Variants in GNE observed in about 807,000 individuals in gnomAD.
The protein encoded by GNE is glucosamine (UDP-N-acetyl)-2-epimerase/N-acetylmannosamine kinase, also known as bifunctional UDP-N-acetylglucosamine 2-epimerase/N-acetylmannosamine kinase.
A neutral mutation model predicts 61.8 loss-of-function variants in GNE; 41 were observed. The observed-to-expected ratio is 0.66, with a 90% CI of 0.52 to 0.86. GNE has a LOEUF of 0.86. GNE is among the 40% of genes least tolerant of loss of function. GNE has a pLI of 0.00. For missense variants in GNE, 608 were observed against 909.1 expected, an observed-to-expected ratio of 0.67 and a Z score of 4.26; for synonymous variants, 264 against 326.4, an observed-to-expected ratio of 0.81 and a Z score of 2.06.
At chr9:36,255,871 G>A (rs987376483) in intron 1 of GNE, among the ~76,000 whole-genome samples, 2 of 152,014 alleles carry the variant, frequency 1.3e-5, no homozygotes, top group Admixed American at 1.3e-4. Context: ...GATAGTTTTC[G>A]GACAAGTTTG....
In GNE at chr9:36,234,135, A is replaced by G. The variant is rs763488639; in HGVS notation, c.770-3T>C. The G allele has an allele frequency of 4.4e-6, 7 of 1,608,332 alleles. No individual in the cohort carries two copies. Among genetic ancestry groups the G allele is most frequent in the South Asian group, 3.3e-5 (3 of 90,960 alleles). ...CACTCGAACCATCTCTTTGCTCCCT[A>G]TGAAAATGAAAAGAACCAATTGGTA... is the stretch of plus-strand genomic sequence containing the variant. On this transcript the variant is annotated splice_region_variant and splice_polypyrimidine_tract_variant and intron_variant, in intron 4 of 11. Coordinates refer to ENST00000642385, the MANE Select transcript of GNE (RefSeq NM_005476.7).
At chr9:36,228,907 T>C (rs1829018607) in intron 6 of GNE, 114 bp downstream of exon 6, 1 of 779,850 alleles carries the variant, frequency 1.3e-6, no homozygotes, top group African/African-American at 1.7e-5. Context: ...TAGGGGCCCG[T>C]AGGCATAAGA....
chr9:36,230,136 G>A (rs1004283762), intron 5 of GNE, among the ~76,000 whole-genome samples: 7 of 152,168 alleles, frequency 4.6e-5, no homozygotes, highest in Admixed American at 2.6e-4. Context: ...TAGAGATGGC[G>A]TTTCACCATG....
chr9:36,257,802 C>CAAAAAAAAAAAAAAAA (rs60845805), intron 1 of GNE, among the ~76,000 whole-genome samples: 8 of 25,242 alleles, frequency 3.2e-4, no homozygotes, highest in East Asian at 1.1e-3. Context: ...GACTCAGTCT[C>CAAAAAAAAAAAAAAAA]AAAAAAAAAA....
Position 36,216,100 on chromosome 9 carries a change from G to A in GNE, c.*1265C>T. 1 of 340,544 alleles carries A rather than the reference G, an allele frequency of 2.9e-6. No individual in the cohort carries two copies. Among genetic ancestry groups the A allele is most frequent in the Non-Finnish European group, 6.0e-6 (1 of 167,136 alleles). The allele number at this position is 340,544 out of a possible 1,614,324, so 21.1% of individuals were successfully genotyped here. A position where few individuals can be genotyped will look rare whatever the true frequency, so the allele number is the denominator to read the frequency against. On this transcript the variant is annotated 3_prime_UTR_variant, in exon 12 of 12. Transcript: ENST00000642385. ...ACATCTTTCAACAAATGGTATCCAG[G>A]ATTAGGGGGGATATCTGAGATGGGG...
intron 3 of GNE, among the ~76,000 whole-genome samples, chr9:36,241,856 C>G (rs1288565853): frequency 2.0e-5 from 3 of 152,106 alleles, no homozygotes; most frequent in African/African-American, 7.2e-5. Context: ...CATATTAAGG[C>G]CAGGTGCGGT....
In GNE at chr9:36,255,511, C is replaced by T. The variant is rs191553794; in HGVS notation, c.-43+2810G>A. On this transcript the variant is annotated intron_variant, in intron 1 of 11. Transcript: ENST00000642385. ...TTAAAAGCCACAAGAGGCTAAATAG[C>T]AAAAAGTCTTCTCATATGTGTTCCC... is the stretch of plus-strand genomic sequence containing the variant. 1.6e-3 allele frequency among the ~76,000 whole-genome samples: 237 copies of T among 152,078 alleles called. 1 individual carries two copies. Among genetic ancestry groups the T allele is most frequent in the African/African-American group, 5.5e-3 (230 of 41,490 alleles).
In GNE at chr9:36,225,837, G is replaced by A. The variant is rs568521757; in HGVS notation, c.1281+1411C>T. On this transcript the variant is annotated intron_variant, in intron 7 of 11. Coordinates refer to ENST00000642385, the MANE Select transcript of GNE (RefSeq NM_005476.7). ...TCTAGAGTAGTGCTTCTCAATCTTCGCTGTGCATCAGAATCACCTGGACAG... is the reference window on the plus strand; with the variant it reads ...TCTAGAGTAGTGCTTCTCAATCTTCACTGTGCATCAGAATCACCTGGACAG... 5.9e-5 allele frequency among the ~76,000 whole-genome samples: 9 copies of A among 152,166 alleles called. No individual in the cohort carries two copies. The East Asian group carries it at 1.2e-3, about 20-fold the overall frequency.
chr9:36,266,121 G>C (rs190761092), intron 1 of GNE, among the ~76,000 whole-genome samples: 2 of 152,076 alleles, frequency 1.3e-5, no homozygotes, highest in African/African-American at 4.8e-5. Flanking sequence ...AGTAGAGACG[G>C]GGTTTCATCA....
At chr9:36,217,631 C>G (rs776399643) in intron 11 of GNE, 31 bp from the exon 12 acceptor site, 8 of 1,397,072 alleles carry the variant, frequency 5.7e-6, no homozygotes, top group Non-Finnish European at 8.1e-6. Context: ...AAATGAGTTT[C>G]TGAGAGAAGC....
intron 1 of GNE, among the ~76,000 whole-genome samples, chr9:36,274,068 C>CTGTGTGTGTGTGTGTGTGTG (rs71336439): frequency 4.9e-5 from 7 of 142,330 alleles, no homozygotes; most frequent in African/African-American, 1.9e-4. Flanking sequence ...GTCTATGGTA[C>CTGTGTGTGTGTGTGTGTGTG]TGTGTGTGTG....
chr9:36,271,387 GT>G (rs1831023420), intron 1 of GNE, among the ~76,000 whole-genome samples: 1 of 152,062 alleles, frequency 6.6e-6, no homozygotes, highest in Non-Finnish European at 1.5e-5. Flanking sequence ...GTTTCATTTT[GT>G]TTTGAGACCG....
Position 36,216,790 on chromosome 9 carries a change from G to T in GNE, c.*575C>A. On this transcript the variant is annotated 3_prime_UTR_variant, in exon 12 of 12. Transcript: ENST00000642385. ...TGGTTCATGCCATTCTCCTGCCTCA[G>T]CCTCCCGAGTAGCTGGGACCCGCCA... The T allele has an allele frequency of 6.2e-6, 1 of 162,404 alleles. No homozygotes were observed. 10.1% of individuals were successfully genotyped at this position (162,404 alleles called of 1,614,324 possible).
At chr9:36,256,883 A>G (rs1249572071) in intron 1 of GNE, among the ~76,000 whole-genome samples, 1 of 152,174 alleles carries the variant, frequency 6.6e-6, no homozygotes, top group African/African-American at 2.4e-5. Context: ...CACAGAGAAA[A>G]TAATTTACTT....
chr9:36,217,389 G>A lies in GNE; in HGVS notation c.2145C>T (p.Asp715=). ...TCTAGTAGATCCTGCGTGTTGTGTA[G>A]TCCAGAACCATGCTGGCAGCACCCA... is the stretch of plus-strand genomic sequence containing the variant. ...ALLGAASMVL[D]YTTRRIY The change falls in exon 12 of 12, where the codon GAC becomes GAT. Residue 715 remains aspartate, a synonymous_variant. Coordinates refer to ENST00000642385, the MANE Select transcript of GNE (RefSeq NM_005476.7). 6.2e-7 allele frequency: 1 copy of A among 1,613,476 alleles called. No individual in the cohort carries two copies.
rs1295734784 is a variant in GNE, at chr9:36,216,318, G to A, written c.*1047C>T. ...TCTGTGATCTTAGTTTGGGGTTAGA[G>A]GAGGAAGGATGTGTGTGTGTGTGTG... On this transcript the variant is annotated 3_prime_UTR_variant, in exon 12 of 12. Coordinates refer to ENST00000642385, the MANE Select transcript of GNE (RefSeq NM_005476.7). The A allele has an allele frequency of 3.8e-6, 1 of 263,178 alleles. No homozygotes were observed. The highest frequency in any genetic ancestry group is 8.3e-5 in the African/African-American group (1 of 12,086). 16.3% of individuals were successfully genotyped at this position (263,178 alleles called of 1,614,324 possible).
At chr9:36,259,075 T>C (rs1191497032), upstream of GNE, among the ~76,000 whole-genome samples, 2 of 152,186 alleles carry the variant, frequency 1.3e-5, no homozygotes, top group African/African-American at 4.8e-5. Context: ...TGAAGATAAA[T>C]AAGACTTTGG....
intron 1 of GNE, among the ~76,000 whole-genome samples, chr9:36,274,150 C>A (rs570626162): frequency 1.7e-4 from 26 of 151,354 alleles, no homozygotes; most frequent in African/African-American, 6.3e-4. Context: ...GGCTGGAGTG[C>A]AGTGGCAGGA....
chr9:36,239,576 G>A (rs1829551720), intron 3 of GNE, among the ~76,000 whole-genome samples: 1 of 151,824 alleles, frequency 6.6e-6, no homozygotes, highest in African/African-American at 2.4e-5. Context: ...AGGTTCAAGC[G>A]ATTCTCCTGC....
Sources: allele counts gnomAD v4.1 joint callset (sites outside exome capture counted in the v4.1 genomes callset), GRCh38; gene constraint gnomAD v4.1.1; transcripts MANE v1.5; gene names NCBI Gene and HGNC (gene_info 2026-07-23, HGNC 2026-07-21).